Variants in FOXN3 observed in about 807,000 individuals in gnomAD.
FOXN3 encodes the protein forkhead box protein N3.
FOXN3 carries 7 observed loss-of-function variants against 38.4 expected under a neutral mutation model. That is an observed-to-expected ratio of 0.18 (90% confidence interval 0.10 to 0.34). The LOEUF (loss-of-function observed/expected upper bound fraction) is 0.34, where lower values mean the gene tolerates loss of function less well. FOXN3 is among the 10% of genes least tolerant of loss of function. FOXN3 has a pLI of 1.00. For synonymous variants in FOXN3, 230 were observed against 242.2 expected (o/e 0.95, Z 0.47); for missense variants, 456 against 613.4 (o/e 0.74, Z 2.71).
chr14:89,346,063 G>T (rs574836451), intron 3 of FOXN3, among the ~76,000 whole-genome samples: 4 of 152,228 alleles, frequency 2.6e-5, no homozygotes, highest in South Asian at 2.1e-4. Context: ...AAAAATAAAA[G>T]AAAAGAATAA....
intron 1 of FOXN3, among the ~76,000 whole-genome samples, chr14:89,416,656 C>T (rs1224312978): frequency 6.6e-6 from 1 of 152,190 alleles, no homozygotes; most frequent in Non-Finnish European, 1.5e-5. Context: ...CACCGGGAAG[C>T]AGCACGCACG....
At chr14:89,365,205 G>A (rs528973615) in intron 2 of FOXN3, among the ~76,000 whole-genome samples, 1 of 152,096 alleles carries the variant, frequency 6.6e-6, no homozygotes, top group Non-Finnish European at 1.5e-5. Flanking sequence ...ATTTTCACAG[G>A]GGGGAGGCTA....
At chr14:89,230,286 C>A (rs763967783) in intron 4 of FOXN3, among the ~76,000 whole-genome samples, 46 of 152,222 alleles carry the variant, frequency 3.0e-4, no homozygotes, top group Non-Finnish European at 5.7e-4. Context: ...ACAGAGCACT[C>A]AGAAAACGTC....
intron 3 of FOXN3, among the ~76,000 whole-genome samples, chr14:89,348,660 T>A (rs1448541652): frequency 6.6e-6 from 1 of 152,080 alleles, no homozygotes; most frequent in African/African-American, 2.4e-5. Context: ...GAAACTGGTT[T>A]TTTTTCCCCC....
intron 2 of FOXN3, among the ~76,000 whole-genome samples, chr14:89,375,312 T>TA (rs1182607957): frequency 6.6e-6 from 1 of 152,116 alleles, no homozygotes; most frequent in Non-Finnish European, 1.5e-5. Flanking sequence ...AAGTTTTTTT[T>TA]AAAAAAGCAA....
chr14:89,507,319 G>A lies in FOXN3; in HGVS notation c.-14-94829C>T, dbSNP rs146647845. 2.6e-3 allele frequency among the ~76,000 whole-genome samples: 399 copies of A among 152,184 alleles called. 6 individuals carry two copies. Among genetic ancestry groups the A allele is most frequent in the African/African-American group, 9.4e-3 (390 of 41,526 alleles). On this transcript the variant is annotated intron_variant, in intron 1 of 6. Transcript: ENST00000345097. The stretch of plus-strand genomic sequence containing the variant: ...GTGGTAAGGTAAGATGCAGGCAATC[G>A]GAGCTATCGAGTTGCCCCACCAATG...
chr14:89,433,353 G>A (rs1051890707), intron 1 of FOXN3, among the ~76,000 whole-genome samples: 19 of 152,242 alleles, frequency 1.2e-4, no homozygotes, highest in African/African-American at 1.7e-4. Context: ...GTGGTGGTGC[G>A]GGCTTGTAGT....
At chr14:89,498,100 G>GGTTGTTC (rs1893722343) in intron 1 of FOXN3, among the ~76,000 whole-genome samples, 1 of 151,194 alleles carries the variant, frequency 6.6e-6, no homozygotes, top group Non-Finnish European at 1.5e-5. Context: ...TTTTGAGTTA[G>GGTTGTTC]GTTGTTCTTT....
chr14:89,481,920 T>A (rs1269972861), intron 1 of FOXN3, among the ~76,000 whole-genome samples: 1 of 152,166 alleles, frequency 6.6e-6, no homozygotes, highest in Non-Finnish European at 1.5e-5. Flanking sequence ...ATGGTAATTA[T>A]ATGGGGTAAA....
At chr14:89,614,799 A>G (rs893010929) in intron 1 of FOXN3, among the ~76,000 whole-genome samples, 2 of 152,214 alleles carry the variant, frequency 1.3e-5, no homozygotes, top group African/African-American at 4.8e-5. Flanking sequence ...TGCTAAGTAG[A>G]AAACAAAAAT....
chr14:89,281,083 C>T (rs2139917826), intron 3 of FOXN3, 69 bp from the exon 4 acceptor site: 5 of 1,353,270 alleles, frequency 3.7e-6, no homozygotes, highest in Admixed American at 1.9e-5. Flanking sequence ...CCCCTTCCCA[C>T]ACTTCCCTCA....
chr14:89,256,558 C>T (rs1885627817), intron 4 of FOXN3, among the ~76,000 whole-genome samples: 1 of 152,196 alleles, frequency 6.6e-6, no homozygotes, highest in Non-Finnish European at 1.5e-5. Flanking sequence ...GCTGTCCCGG[C>T]CGTAAGAAGC....
At chr14:89,442,555 G>T (rs890007437) in intron 1 of FOXN3, among the ~76,000 whole-genome samples, 2 of 152,186 alleles carry the variant, frequency 1.3e-5, no homozygotes, top group Non-Finnish European at 2.9e-5. Flanking sequence ...CAGCTAGTAA[G>T]CCTTAGAAAT....
intron 3 of FOXN3, among the ~76,000 whole-genome samples, chr14:89,292,792 AAGAC>A (rs376210109): frequency 6.6e-5 from 10 of 152,108 alleles, no homozygotes; most frequent in African/African-American, 2.2e-4. Flanking sequence ...CAAACAGACT[AAGAC>A]GAGCGGTCAC....
intron 4 of FOXN3, among the ~76,000 whole-genome samples, chr14:89,260,368 A>G (rs543265960): frequency 6.6e-6 from 1 of 152,300 alleles, no homozygotes; most frequent in East Asian, 1.9e-4. Context: ...TCTCTGGGAG[A>G]GCCCGACCAC....
intron 3 of FOXN3, among the ~76,000 whole-genome samples, chr14:89,287,200 C>T (rs1037978245): frequency 1.1e-4 from 16 of 152,172 alleles, no homozygotes; most frequent in African/African-American, 3.9e-4. Flanking sequence ...GTCGTTCAGA[C>T]TGGAGTGCAG....
chr14:89,294,084 G>A (rs1763431488), intron 3 of FOXN3, among the ~76,000 whole-genome samples: 2 of 152,108 alleles, frequency 1.3e-5, no homozygotes, highest in African/African-American at 4.8e-5. Flanking sequence ...GGGCCCACCC[G>A]TTCTTCCCAA....
chr14:89,187,928 G>A lies in FOXN3; in HGVS notation c.746-7122C>T, dbSNP rs529118519. On this transcript the variant is annotated intron_variant, in intron 4 of 5. Coordinates refer to ENST00000557258, the MANE Select transcript of FOXN3 (RefSeq NM_005197.4). ...TGAACCAGGGCTGGCGGTCAGATGG[G>A]ACGGTGAATGCAAAGGTAGACTCCC... Among the ~76,000 whole-genome samples the A allele has an allele frequency of 9.2e-5, 14 of 152,288 alleles. 1 individual carries two copies. The East Asian group carries it at 2.7e-3, about 29-fold the overall frequency.
chr14:89,398,076 A>C (rs1003779224), intron 2 of FOXN3, among the ~76,000 whole-genome samples: 13 of 152,102 alleles, frequency 8.5e-5, no homozygotes, highest in African/African-American at 3.1e-4. Flanking sequence ...GCACTGCTAA[A>C]CCTTAGGAGT....
Sources: gnomAD v4.1 joint callset for allele counts (sites outside exome capture counted in the v4.1 genomes callset) on GRCh38, gnomAD v4.1.1 for gene constraint, MANE v1.5 for transcripts, NCBI Gene and HGNC (gene_info 2026-07-23, HGNC 2026-07-21) for gene names.